The following LRRC4C variants were observed in gnomAD, a reference collection of about 807,000 sequenced individuals.
LRRC4C encodes the protein leucine rich repeat containing 4C.
A neutral mutation model predicts 33.6 loss-of-function variants in LRRC4C; 5 were observed. The observed-to-expected ratio is 0.15, with a 90% confidence interval of 0.08 to 0.31. LRRC4C has a LOEUF of 0.31. Among genes scored for constraint, LRRC4C ranks in the 10% least tolerant of loss-of-function variants. LRRC4C has a pLI of 1.00. For synonymous variants in LRRC4C, 329 were observed against 302.0 expected, an observed-to-expected ratio of 1.09 and a Z score of -0.93; for missense variants, 560 against 796.7, an observed-to-expected ratio of 0.70 and a Z score of 3.58.
intron 1 of LRRC4C, among the ~76,000 whole-genome samples, chr11:41,401,210 C>A (rs2138105793): frequency 6.6e-6 from 1 of 151,986 alleles, no homozygotes; most frequent in African/African-American, 2.4e-5. Flanking sequence ...CTACACATGG[C>A]TTTCTACATT....
chr11:41,078,623 A>C (rs1939332626), intron 1 of LRRC4C, among the ~76,000 whole-genome samples: 1 of 152,108 alleles, frequency 6.6e-6, no homozygotes, highest in South Asian at 2.1e-4. Context: ...GAACTCACTC[A>C]TTAAGAGAAC....
At chr11:41,068,131 G>A (rs1316749302) in intron 1 of LRRC4C, among the ~76,000 whole-genome samples, 1 of 152,112 alleles carries the variant, frequency 6.6e-6, no homozygotes, top group African/African-American at 2.4e-5. Context: ...GGTGGCTCAC[G>A]CCTGTAGTCC....
chr11:40,651,089 A>G (rs1942769658), intron 2 of LRRC4C, among the ~76,000 whole-genome samples: 1 of 152,180 alleles, frequency 6.6e-6, no homozygotes, highest in Non-Finnish European at 1.5e-5. Flanking sequence ...ACACCCTAAA[A>G]TTTACTCCTC....
At chr11:40,465,430 C>T (rs906681955) in intron 3 of LRRC4C, among the ~76,000 whole-genome samples, 3 of 151,872 alleles carry the variant, frequency 2.0e-5, no homozygotes, top group Admixed American at 6.6e-5. Context: ...ACCCTAAAAG[C>T]AAATGCAACA....
chr11:40,688,066 C>A (rs1360196366), intron 2 of LRRC4C, among the ~76,000 whole-genome samples: 1 of 151,764 alleles, frequency 6.6e-6, no homozygotes, highest in Admixed American at 6.6e-5. Context: ...TGGGAGCTTA[C>A]AAAAATAATT....
intron 3 of LRRC4C, among the ~76,000 whole-genome samples, chr11:40,431,230 CAGCCT>C (rs1181712951): frequency 6.6e-6 from 1 of 150,944 alleles, no homozygotes; most frequent in African/African-American, 2.4e-5. Flanking sequence ...AGTTCAAGAC[CAGCCT>C]GGCTAACATG....
intron 2 of LRRC4C, among the ~76,000 whole-genome samples, chr11:40,891,640 A>T (rs1955710550): frequency 6.6e-6 from 1 of 152,232 alleles, no homozygotes; most frequent in African/African-American, 2.4e-5. Flanking sequence ...AGGCAGACAG[A>T]TATATAAAAA....
At chr11:40,560,407 T>C (rs1957501833) in intron 3 of LRRC4C, among the ~76,000 whole-genome samples, 1 of 151,726 alleles carries the variant, frequency 6.6e-6, no homozygotes, top group Non-Finnish European at 1.5e-5. Context: ...GGTAGATCCA[T>C]TGACCTAACC....
chr11:41,136,278 G>C (rs577619149), intron 1 of LRRC4C, among the ~76,000 whole-genome samples: 2 of 152,212 alleles, frequency 1.3e-5, no homozygotes, highest in East Asian at 3.9e-4. Flanking sequence ...GGGGCAGGAA[G>C]TATGGGTATA....
In LRRC4C at chr11:41,291,555, G is replaced by T. The variant is rs182104645; in HGVS notation, c.-496+167876C>A. Among the ~76,000 whole-genome samples the T allele has an allele frequency of 6.1e-4, 93 of 152,196 alleles. 1 individual carries two copies. The highest frequency in any genetic ancestry group is 6.9e-4 in the Non-Finnish European group (47 of 67,984). ...TTTGGAGCTGGTCCTAACAATGGGA[G>T]AAGAAATATGGATAGAAATTGATTT... is the stretch of plus-strand genomic sequence containing the variant. On this transcript the variant is annotated intron_variant, in intron 1 of 6. Transcript: ENST00000528697.
At chr11:40,740,494 G>A (rs568707638) in intron 2 of LRRC4C, among the ~76,000 whole-genome samples, 1 of 151,650 alleles carries the variant, frequency 6.6e-6, no homozygotes, top group Non-Finnish European at 1.5e-5. Context: ...AAGTCAAGTT[G>A]TTTTCTTACT....
chr11:40,771,419 G>T (rs7947756), intron 2 of LRRC4C, among the ~76,000 whole-genome samples: 1 of 152,022 alleles, frequency 6.6e-6, no homozygotes, highest in Non-Finnish European at 1.5e-5. Flanking sequence ...CCCTCCTAGG[G>T]CTCTGGGCCT....
Position 40,604,721 on chromosome 11 carries a change from C to T in LRRC4C, c.-270+43421G>A, listed in dbSNP as rs192873592. Among the ~76,000 whole-genome samples the T allele has an allele frequency of 1.4e-3, 210 of 150,482 alleles. 1 individual carries two copies. The highest frequency in any genetic ancestry group is 4.9e-3 in the African/African-American group (202 of 40,872). On this transcript the variant is annotated intron_variant, in intron 3 of 6. Coordinates refer to ENST00000528697, the MANE Select transcript of LRRC4C (RefSeq NM_001258419.2). The stretch of plus-strand genomic sequence containing the variant: ...ATTTAATAAATATTCTGCTTGACTT[C>T]GAAAAGAATCTCAGATAGGAGAATA...
intron 2 of LRRC4C, among the ~76,000 whole-genome samples, chr11:40,666,212 C>T (rs1368982899): frequency 6.6e-6 from 1 of 152,038 alleles, no homozygotes; most frequent in Non-Finnish European, 1.5e-5. Context: ...CAATGTTGAA[C>T]ACAAAAAGCA....
intron 3 of LRRC4C, among the ~76,000 whole-genome samples, chr11:40,441,266 C>T (rs1442206032): frequency 6.6e-6 from 1 of 152,162 alleles, no homozygotes; most frequent in African/African-American, 2.4e-5. Context: ...CAACTGCTCT[C>T]TTTGAGTTGC....
intron 5 of LRRC4C, among the ~76,000 whole-genome samples, chr11:40,236,857 G>A (rs914451473): frequency 3.3e-5 from 5 of 151,942 alleles, no homozygotes; most frequent in African/African-American, 7.2e-5. Flanking sequence ...TTATCACAGC[G>A]GAGTTCAGAC....
chr11:40,490,859 G>C (rs1300380313), intron 3 of LRRC4C, among the ~76,000 whole-genome samples: 1 of 152,086 alleles, frequency 6.6e-6, no homozygotes, highest in Non-Finnish European at 1.5e-5. Context: ...TTTTCTAGGA[G>C]AAAGCTCATA....
chr11:40,715,097 T>A (rs541766408), intron 2 of LRRC4C, among the ~76,000 whole-genome samples: 1 of 152,080 alleles, frequency 6.6e-6, no homozygotes, highest in African/African-American at 2.4e-5. Context: ...TGTAATAAAA[T>A]CCAGATAATT....
chr11:40,337,864 C>T (rs1006024949), intron 3 of LRRC4C, among the ~76,000 whole-genome samples: 1 of 152,060 alleles, frequency 6.6e-6, no homozygotes, highest in Non-Finnish European at 1.5e-5. Context: ...CCCCAGTGTG[C>T]GTTCTTCCCT....
Sources: allele counts gnomAD v4.1 joint callset (sites outside exome capture counted in the v4.1 genomes callset), GRCh38; gene constraint gnomAD v4.1.1; transcripts MANE v1.5; gene names NCBI Gene and HGNC (gene_info 2026-07-23, HGNC 2026-07-21).